KCTD8: variants seen among roughly 807,000 people sequenced by gnomAD.
KCTD8 encodes the protein BTB/POZ domain-containing protein KCTD8.
A neutral mutation model predicts 31.5 loss-of-function variants in KCTD8; 27 were observed. The observed-to-expected ratio is 0.86, with a 90% confidence interval of 0.63 to 1.18. The LOEUF is 1.18. Ranked by LOEUF, KCTD8 falls within the 50% of genes most tolerant of loss-of-function variation. KCTD8 has a pLI of 0.00. For synonymous variants in KCTD8, 290 were observed against 280.0 expected (o/e 1.04, Z -0.36); for missense variants, 658 against 647.7 (o/e 1.02, Z -0.17).
chr4:44,358,481 CA>C (rs1362321693), intron 1 of KCTD8, among the ~76,000 whole-genome samples: 1 of 152,086 alleles, frequency 6.6e-6, no homozygotes, highest in African/African-American at 2.4e-5. Flanking sequence ...CTGTCTTCCA[CA>C]ATGGTTGAAC....
At chr4:44,270,220 G>C (rs1358687285) in intron 1 of KCTD8, among the ~76,000 whole-genome samples, 1 of 151,958 alleles carries the variant, frequency 6.6e-6, no homozygotes, top group Non-Finnish European at 1.5e-5. Flanking sequence ...CATAAAAAAT[G>C]ATGAGTTCAT....
intron 1 of KCTD8, among the ~76,000 whole-genome samples, chr4:44,290,445 C>T (rs1003540956): frequency 1.3e-5 from 2 of 152,070 alleles, no homozygotes; most frequent in African/African-American, 2.4e-5. Context: ...TTAAACTCCA[C>T]AATTGAGCAA....
At chr4:44,292,445 G>A (rs1179025818) in intron 1 of KCTD8, among the ~76,000 whole-genome samples, 1 of 151,946 alleles carries the variant, frequency 6.6e-6, no homozygotes, top group African/African-American at 2.4e-5. Context: ...ACATAAAGAT[G>A]GAAACAATAG....
At chr4:44,285,620 T>C (rs2109381810) in intron 1 of KCTD8, among the ~76,000 whole-genome samples, 1 of 152,200 alleles carries the variant, frequency 6.6e-6, no homozygotes, top group African/African-American at 2.4e-5. Context: ...TAAAGTATAA[T>C]AAAAAGATAT....
intron 1 of KCTD8, among the ~76,000 whole-genome samples, chr4:44,374,597 C>G (rs753640152): frequency 2.9e-4 from 44 of 152,122 alleles, no homozygotes; most frequent in Non-Finnish European, 5.4e-4. Flanking sequence ...GCCTTCCTCA[C>G]TAATCCTAAT....
chr4:44,314,120 C>A (rs1276136327), intron 1 of KCTD8, among the ~76,000 whole-genome samples: 8 of 152,134 alleles, frequency 5.3e-5, no homozygotes, highest in Admixed American at 5.2e-4. Flanking sequence ...TATTCTCAGT[C>A]ATGAAGATGG....
chr4:44,223,976 C>G (rs1217758806), intron 1 of KCTD8, among the ~76,000 whole-genome samples: 1 of 152,172 alleles, frequency 6.6e-6, no homozygotes, highest in Non-Finnish European at 1.5e-5. Context: ...TTTGCAGATA[C>G]CTAATTTAGA....
chr4:44,364,192 G>A (rs1358422923), intron 1 of KCTD8, among the ~76,000 whole-genome samples: 3 of 152,002 alleles, frequency 2.0e-5, no homozygotes, highest in African/African-American at 7.2e-5. Context: ...ATCTGATAGA[G>A]GACTTGTATC....
At chr4:44,302,696 T>A (rs1245497986) in intron 1 of KCTD8, among the ~76,000 whole-genome samples, 2 of 151,926 alleles carry the variant, frequency 1.3e-5, no homozygotes, top group African/African-American at 2.4e-5. Context: ...TTTTCCTAAT[T>A]GAATACCCTT....
chr4:44,268,800 A>T (rs1716476958), intron 1 of KCTD8, among the ~76,000 whole-genome samples: 1 of 152,044 alleles, frequency 6.6e-6, no homozygotes, highest in African/African-American at 2.4e-5. Context: ...ATTGCTTCAA[A>T]GAGAATAAAA....
chr4:44,262,757 G>A (rs967755487), intron 1 of KCTD8, among the ~76,000 whole-genome samples: 1 of 151,942 alleles, frequency 6.6e-6, no homozygotes, highest in African/African-American at 2.4e-5. Flanking sequence ...TAATTAAGTG[G>A]GATGCCTTGT....
chr4:44,212,930 T>G (rs1019302019), intron 1 of KCTD8, among the ~76,000 whole-genome samples: 2 of 152,060 alleles, frequency 1.3e-5, no homozygotes, highest in African/African-American at 4.8e-5. Flanking sequence ...GTCTTTGTTT[T>G]TTTGTTTGTT....
chr4:44,250,402 T>C (rs954061284), intron 1 of KCTD8, among the ~76,000 whole-genome samples: 3 of 151,800 alleles, frequency 2.0e-5, no homozygotes, highest in Admixed American at 1.3e-4. Flanking sequence ...ATGTTAAGCA[T>C]GGTTCTAAAC....
chr4:44,448,462 GA>G lies in KCTD8; in HGVS notation c.61del (p.Ser21ProfsTer25). On this transcript the variant is annotated frameshift_variant, in exon 1 of 2. Transcript: ENST00000360029. LOFTEE classifies it high-confidence loss of function. This position sits in a 1 kb window ranked among gnomAD's most constrained non-coding sequence, Gnocchi z 4.1. ...STILPISEMV[S>X]SSSSPGASAA... Reference sequence around the variant, plus strand: ...CGACGCGCCGGGCGAGCTGGACGAGGAAACCATCTCGCTAATGGGCAGGATG... The same window carrying G: ...CGACGCGCCGGGCGAGCTGGACGAGGAACCATCTCGCTAATGGGCAGGATG... 6.5e-7 allele frequency: 1 copy of G among 1,545,206 alleles called. No homozygotes were observed. The highest frequency in any genetic ancestry group is 8.7e-7 in the Non-Finnish European group (1 of 1,153,886).
At chr4:44,405,620 A>C (rs1251859069) in intron 1 of KCTD8, among the ~76,000 whole-genome samples, 2 of 151,950 alleles carry the variant, frequency 1.3e-5, no homozygotes, top group Non-Finnish European at 1.5e-5. Context: ...CCCAGATTTA[A>C]TGTTACTCTT....
chr4:44,399,527 T>C (rs1200678347), intron 1 of KCTD8, among the ~76,000 whole-genome samples: 1 of 152,114 alleles, frequency 6.6e-6, no homozygotes, highest in Non-Finnish European at 1.5e-5. Flanking sequence ...TCGGTAAAGA[T>C]TCAAGGAAAG....
At chr4:44,266,130 G>A (rs1716347424) in intron 1 of KCTD8, among the ~76,000 whole-genome samples, 3 of 152,200 alleles carry the variant, frequency 2.0e-5, no homozygotes, top group Admixed American at 2.0e-4. Flanking sequence ...AAAATGTTAA[G>A]AGCAGCCAGA....
chr4:44,345,446 A>C (rs1719012494), intron 1 of KCTD8, among the ~76,000 whole-genome samples: 2 of 152,114 alleles, frequency 1.3e-5, no homozygotes, highest in South Asian at 4.1e-4. Flanking sequence ...GTAAAATAGC[A>C]ATAAATTCTA....
chr4:44,241,122 T>C (rs577415791), intron 1 of KCTD8, among the ~76,000 whole-genome samples: 1 of 152,336 alleles, frequency 6.6e-6, no homozygotes, highest in South Asian at 2.1e-4. Flanking sequence ...TAATCTATAT[T>C]TCCATGACTT....
Sources: gnomAD v4.1 joint callset for allele counts (sites outside exome capture counted in the v4.1 genomes callset) on GRCh38, gnomAD v4.1.1 for gene constraint, Gnocchi (gnomAD v3.1) non-coding constraint, MANE v1.5 for transcripts, NCBI Gene and HGNC (gene_info 2026-07-23, HGNC 2026-07-21) for gene names.